Variants in CAMK2G observed in about 807,000 individuals in gnomAD.
CAMK2G encodes calcium/calmodulin-dependent protein kinase type II subunit gamma.
In CAMK2G, 23 loss-of-function variants were observed where a neutral mutation model predicts 88.7. The ratio of observed to expected loss-of-function variants is 0.26; its 90% CI spans 0.19 to 0.37. The LOEUF (loss-of-function observed/expected upper bound fraction) is 0.37. CAMK2G is among the 10% of genes least tolerant of loss of function. The probability of loss-of-function intolerance (pLI) is 1.00; values close to 1 mark genes in which losing one functional copy is unlikely to be tolerated. For synonymous variants in CAMK2G, 263 were observed against 294.8 expected (o/e 0.89, Z 1.11); for missense variants, 476 against 780.8 (o/e 0.61, Z 4.65).
At chr10:73,871,390 C>T (rs902790613) in intron 2 of CAMK2G, among the ~76,000 whole-genome samples, 4 of 152,118 alleles carry the variant, frequency 2.6e-5, no homozygotes, top group Non-Finnish European at 5.9e-5. Context: ...TCCCAGAATT[C>T]GGCTCCCAGC....
intron 13 of CAMK2G, among the ~76,000 whole-genome samples, chr10:73,838,412 T>G (rs2093454382): frequency 6.6e-6 from 1 of 152,236 alleles, no homozygotes; most frequent in South Asian, 2.1e-4. Context: ...GAGCCTCAAT[T>G]TCTTTATCTA....
chr10:73,861,429 C>T (rs965799291), intron 2 of CAMK2G, among the ~76,000 whole-genome samples: 2 of 152,142 alleles, frequency 1.3e-5, no homozygotes, highest in Admixed American at 6.5e-5. Flanking sequence ...GATCTCAGCT[C>T]ACTGCAACCT....
chr10:73,816,686 C>T, intron 21 of CAMK2G: 7 of 1,053,218 alleles, frequency 6.6e-6, no homozygotes, highest in Non-Finnish European at 9.0e-6. Flanking sequence ...GCCTCGATCT[C>T]CTGACCTCGT....
chr10:73,824,146 G>C, intron 16 of CAMK2G, 62 bp from the exon 17 acceptor site: 1 of 1,304,224 alleles, frequency 7.7e-7, no homozygotes, highest in South Asian at 1.2e-5. Flanking sequence ...CTTCCCTGAG[G>C]AGCCCCACCT....
chr10:73,849,062 A>T lies in CAMK2G; in HGVS notation c.468T>A (p.Ala156=). The T allele has an allele frequency of 6.2e-7, 1 of 1,614,094 alleles. No individual in the cohort carries two copies. The highest frequency in any genetic ancestry group is 1.1e-5 in the South Asian group (1 of 91,088). ...SKCKGAAVKL[A]DFGLAIEVQG... Reference sequence around the variant, plus strand: ...GTACTTCGATGGCTAGGCCAAAATCAGCCAGCTTGACGGCGGCACCCTTGC... The same window carrying T: ...GTACTTCGATGGCTAGGCCAAAATCTGCCAGCTTGACGGCGGCACCCTTGC... Residue 156 remains alanine (A), a synonymous_variant, in exon 7 of 23, where the codon GCT becomes GCA. Transcript: ENST00000423381.
At chr10:73,817,986 A>G (rs1436156191) in intron 19 of CAMK2G, among the ~76,000 whole-genome samples, 1 of 152,064 alleles carries the variant, frequency 6.6e-6, no homozygotes, top group African/African-American at 2.4e-5. Flanking sequence ...TCAGGTCTCA[A>G]TCACCACCCC....
Position 73,839,692 on chromosome 10 carries a change from G to A in CAMK2G, c.947-91C>T. ...TGCCCCAGCGCGAGGCGCAGCCCAG[G>A]CGGCGTGGCCAAGCCAGCCGAGCTG... On this transcript the variant is annotated intron_variant, in intron 12 of 22. Coordinates refer to ENST00000423381, the MANE Select transcript of CAMK2G (RefSeq NM_001367534.1). The surrounding 1 kb of genome is among the most constrained non-coding windows in gnomAD (Gnocchi z 4.2). The A allele has an allele frequency of 1.2e-6, 1 of 823,852 alleles. No individual in the cohort carries two copies. The highest frequency in any genetic ancestry group is 1.6e-6 in the Non-Finnish European group (1 of 615,000). The allele number at this position is 823,852 out of a possible 1,614,324, so 51.0% of individuals were successfully genotyped here.
chr10:73,828,266 G>C (rs1166261760), intron 14 of CAMK2G, 145 bp from the exon 15 acceptor site: 21 of 691,574 alleles, frequency 3.0e-5, no homozygotes, highest in Admixed American at 8.6e-5. Flanking sequence ...AGCACCAGAG[G>C]GTTAAACAGC....
chr10:73,856,523 C>A (rs778632847), intron 3 of CAMK2G, among the ~76,000 whole-genome samples: 6 of 152,152 alleles, frequency 3.9e-5, no homozygotes, highest in Non-Finnish European at 7.3e-5. Flanking sequence ...AGCTGCCAGG[C>A]GAAGAGGGAA....
intron 17 of CAMK2G, among the ~76,000 whole-genome samples, chr10:73,822,495 AGAGTG>A (rs2133443333): frequency 6.6e-6 from 1 of 152,288 alleles, no homozygotes; most frequent in Admixed American, 6.5e-5. Flanking sequence ...TCATGAGGCC[AGAGTG>A]GTGTTTTAAA....
intron 2 of CAMK2G, among the ~76,000 whole-genome samples, chr10:73,863,515 G>A (rs1313451571): frequency 2.0e-5 from 3 of 152,176 alleles, no homozygotes; most frequent in Admixed American, 6.5e-5. Flanking sequence ...ACAGACCCAC[G>A]GCCCTCTCTC....
chr10:73,819,877 G>A (rs1016234796), intron 18 of CAMK2G, among the ~76,000 whole-genome samples: 4 of 152,212 alleles, frequency 2.6e-5, no homozygotes, highest in African/African-American at 9.6e-5. Flanking sequence ...GACCTGGGCT[G>A]TGGCTTCCAG....
At chr10:73,861,078 T>C (rs111858520) in intron 2 of CAMK2G, among the ~76,000 whole-genome samples, 189 bp from the exon 3 acceptor site, 4,623 of 152,286 alleles carry the variant, frequency 0.03, 150 homozygotes, top group African/African-American at 0.077. Context: ...ACTTTGTCCC[T>C]CAGGCAGGAG....
chr10:73,819,394 A>G, intron 19 of CAMK2G, 138 bp downstream of exon 19: 1 of 677,082 alleles, frequency 1.5e-6, no homozygotes, highest in South Asian at 1.7e-5. Flanking sequence ...TCTACCCCCC[A>G]CCCCCAGCAG....
At chr10:73,856,926 A>C (rs1439723521) in intron 3 of CAMK2G, among the ~76,000 whole-genome samples, 2 of 152,236 alleles carry the variant, frequency 1.3e-5, no homozygotes, top group African/African-American at 4.8e-5. Flanking sequence ...CATTTTAACT[A>C]ACAAATCTTT....
chr10:73,836,112 G>A (rs2093181669), intron 14 of CAMK2G, among the ~76,000 whole-genome samples: 1 of 152,196 alleles, frequency 6.6e-6, no homozygotes, highest in Non-Finnish European at 1.5e-5. Flanking sequence ...GGGATTACAG[G>A]AGTGAGCCAC....
At position 73,848,107 on chromosome 10, in the gene CAMK2G, TG is replaced by T; in HGVS notation, c.602-26del. 3 of 1,398,178 alleles carry T rather than the reference TG, an allele frequency of 2.1e-6. No individual in the cohort carries two copies. Among genetic ancestry groups the T allele is most frequent in the Non-Finnish European group, 3.0e-6 (3 of 983,878 alleles). The allele number at this position is 1,398,178 out of a possible 1,614,324, so 86.6% of individuals were successfully genotyped here. A position where few individuals can be genotyped will look rare whatever the true frequency, so the allele number is the denominator to read the frequency against. ...CCTACGAGACAGAACACACAGGTCATGGGGGTCAGTCGCCTACTTCCCTGAG... is the reference window on the plus strand; with the variant it reads ...CCTACGAGACAGAACACACAGGTCATGGGGTCAGTCGCCTACTTCCCTGAG... On this transcript the variant is annotated intron_variant, in intron 8 of 22. Transcript: ENST00000423381. The surrounding 1 kb of genome is among the most constrained non-coding windows in gnomAD (Gnocchi z 4.5).
chr10:73,860,142 C>G (rs1272160264), intron 3 of CAMK2G, among the ~76,000 whole-genome samples: 1 of 152,230 alleles, frequency 6.6e-6, no homozygotes, highest in African/African-American at 2.4e-5. Context: ...AGGGCCAACG[C>G]TTTTGGCAAA....
rs1316400252 is a variant in CAMK2G, at chr10:73,860,902, G to A, written c.161-13C>T. On this transcript the variant is annotated splice_polypyrimidine_tract_variant and intron_variant, in intron 2 of 22. Transcript: ENST00000423381. ...AGTTTCTGGTGATCTAAAAGCAGAA[G>A]AGAAAAAACAAAAGCCATCAACCAT... 6.2e-7 allele frequency: 1 copy of A among 1,608,464 alleles called. No individual in the cohort carries two copies. Among genetic ancestry groups the A allele is most frequent in the East Asian group, 2.2e-5 (1 of 44,858 alleles).
Sources: gnomAD v4.1 joint callset for allele counts (sites outside exome capture counted in the v4.1 genomes callset) on GRCh38, gnomAD v4.1.1 for gene constraint, Gnocchi (gnomAD v3.1) non-coding constraint, MANE v1.5 for transcripts, NCBI Gene and HGNC (gene_info 2026-07-23, HGNC 2026-07-21) for gene names.